FIGN: variants seen among roughly 807,000 people sequenced by gnomAD.
FIGN encodes the protein fidgetin.
FIGN carries 11 observed loss-of-function variants against 51.3 expected under a neutral mutation model. The ratio of observed to expected loss-of-function variants is 0.21; its 90% CI spans 0.13 to 0.35. The LOEUF (loss-of-function observed/expected upper bound fraction) is 0.35. Ranked by LOEUF, FIGN falls within the 10% of genes least tolerant of loss-of-function variation. The probability of loss-of-function intolerance (pLI) is 1.00; values close to 1 mark genes in which losing one functional copy is unlikely to be tolerated. For synonymous variants in FIGN, 407 were observed against 363.2 expected (o/e 1.12, Z -1.37); for missense variants, 857 against 943.6 (o/e 0.91, Z 1.20).
chr2:163,653,569 T>C (rs1057026449), intron 2 of FIGN, among the ~76,000 whole-genome samples: 2 of 152,146 alleles, frequency 1.3e-5, no homozygotes, highest in African/African-American at 4.8e-5. Flanking sequence ...AATTATGGTT[T>C]CAGCTTCTTT....
chr2:163,708,734 G>A (rs184520057), intron 2 of FIGN, among the ~76,000 whole-genome samples: 6 of 152,200 alleles, frequency 3.9e-5, no homozygotes, highest in Admixed American at 1.3e-4. Context: ...AGGAGTGGAC[G>A]GTGCTGAGGT....
At chr2:163,622,251 C>T (rs908154388) in intron 2 of FIGN, among the ~76,000 whole-genome samples, 2 of 152,016 alleles carry the variant, frequency 1.3e-5, no homozygotes, top group Non-Finnish European at 2.9e-5. Context: ...ACAAGAATAG[C>T]TTGAACTGGG....
At chr2:163,690,782 T>A (rs899593077) in intron 2 of FIGN, among the ~76,000 whole-genome samples, 1 of 151,922 alleles carries the variant, frequency 6.6e-6, no homozygotes, top group African/African-American at 2.4e-5. Flanking sequence ...GAATACAGTG[T>A]TGCTAAGATA....
chr2:163,733,071 C>T (rs779671666), intron 2 of FIGN, among the ~76,000 whole-genome samples: 2 of 152,162 alleles, frequency 1.3e-5, no homozygotes, highest in Non-Finnish European at 2.9e-5. Context: ...CCACTTTATA[C>T]ATATACACAA....
chr2:163,644,063 A>G (rs1001509745), intron 2 of FIGN, among the ~76,000 whole-genome samples: 1 of 151,948 alleles, frequency 6.6e-6, no homozygotes, highest in Non-Finnish European at 1.5e-5. Flanking sequence ...GATATGACCC[A>G]AAAGCATGAG....
At chr2:163,671,999 T>A (rs1683884306) in intron 2 of FIGN, among the ~76,000 whole-genome samples, 1 of 152,192 alleles carries the variant, frequency 6.6e-6, no homozygotes, top group Admixed American at 6.5e-5. Flanking sequence ...ATGGCAAGGC[T>A]CTAGAAATGC....
At chr2:163,726,239 A>G (rs900992161) in intron 2 of FIGN, among the ~76,000 whole-genome samples, 1 of 152,070 alleles carries the variant, frequency 6.6e-6, no homozygotes, top group Non-Finnish European at 1.5e-5. Flanking sequence ...TTTCCCTCCC[A>G]AAAACGTTGC....
chr2:163,687,257 C>T lies in FIGN; in HGVS notation c.25+47646G>A, dbSNP rs192532841. Reference sequence around the variant, plus strand: ...AGATATAATATTGAAGGAATTGTGTCTAAACTTTTTAAATGGGTACTAGCA... The same window carrying T: ...AGATATAATATTGAAGGAATTGTGTTTAAACTTTTTAAATGGGTACTAGCA... On this transcript the variant is annotated intron_variant, in intron 2 of 2. Transcript: ENST00000333129. Among the ~76,000 whole-genome samples the T allele has an allele frequency of 3.1e-3, 477 of 152,242 alleles. 2 individuals carry two copies. The highest frequency in any genetic ancestry group is 3.4e-3 in the Non-Finnish European group (233 of 68,010).
At chr2:163,713,823 A>C (rs1684625647) in intron 2 of FIGN, among the ~76,000 whole-genome samples, 1 of 152,178 alleles carries the variant, frequency 6.6e-6, no homozygotes, top group Admixed American at 6.5e-5. Context: ...TAATTGTTTA[A>C]AGTGCACAGT....
intron 2 of FIGN, among the ~76,000 whole-genome samples, chr2:163,701,048 G>T (rs1218161394): frequency 6.6e-6 from 1 of 151,926 alleles, no homozygotes; most frequent in Admixed American, 6.6e-5. Flanking sequence ...TCTATATAAA[G>T]ATACACATGC....
intron 2 of FIGN, among the ~76,000 whole-genome samples, chr2:163,726,100 A>G (rs1684834463): frequency 6.6e-6 from 1 of 152,118 alleles, no homozygotes; most frequent in Non-Finnish European, 1.5e-5. Context: ...ATCTTCCCAC[A>G]GAAAGAAAAA....
intron 2 of FIGN, among the ~76,000 whole-genome samples, chr2:163,622,845 A>G (rs780583673): frequency 6.6e-6 from 1 of 152,168 alleles, no homozygotes; most frequent in Non-Finnish European, 1.5e-5. Context: ...AATTACAGGC[A>G]TTAGCCACCG....
At chr2:163,669,381 T>A (rs993715649) in intron 2 of FIGN, among the ~76,000 whole-genome samples, 2 of 152,196 alleles carry the variant, frequency 1.3e-5, no homozygotes, top group African/African-American at 4.8e-5. Context: ...CCAGCTAATA[T>A]TTGCATTTTG....
intron 2 of FIGN, among the ~76,000 whole-genome samples, chr2:163,693,699 A>G (rs1221550355): frequency 6.6e-6 from 1 of 152,168 alleles, no homozygotes; most frequent in Admixed American, 6.6e-5. Context: ...CATATGTGCT[A>G]GGGAATACTA....
intron 2 of FIGN, among the ~76,000 whole-genome samples, chr2:163,718,649 C>T (rs979589305): frequency 1.3e-5 from 2 of 151,962 alleles, no homozygotes; most frequent in Non-Finnish European, 1.5e-5. Flanking sequence ...CAGTAGACAC[C>T]AGAGAATTTA....
chr2:163,679,329 T>TA (rs554363179), intron 2 of FIGN, among the ~76,000 whole-genome samples: 20 of 151,622 alleles, frequency 1.3e-4, no homozygotes, highest in African/African-American at 2.4e-4. Flanking sequence ...CCGTCTCTGC[T>TA]AAAAAAAATA....
chr2:163,660,716 CATATATATGTATACACATATACAT>C (rs1559012239), intron 2 of FIGN, among the ~76,000 whole-genome samples: 1 of 62,974 alleles, frequency 1.6e-5, no homozygotes, highest in African/African-American at 4.0e-5. Context: ...TACACATATA[CATATATATGTATACACATATACAT>C]ATATATGTAT....
intron 2 of FIGN, among the ~76,000 whole-genome samples, chr2:163,623,598 T>C (rs1433281887): frequency 1.3e-5 from 2 of 152,180 alleles, no homozygotes; most frequent in Non-Finnish European, 2.9e-5. Flanking sequence ...GTCATAGGTC[T>C]AAAAGTAAAT....
chr2:163,654,038 G>A (rs1035154475), intron 2 of FIGN, among the ~76,000 whole-genome samples: 4 of 152,058 alleles, frequency 2.6e-5, no homozygotes, highest in African/African-American at 7.2e-5. Flanking sequence ...GAGTAGCCAG[G>A]CCTCATTTTG....
Sources: gnomAD v4.1 joint callset for allele counts (sites outside exome capture counted in the v4.1 genomes callset) on GRCh38, gnomAD v4.1.1 for gene constraint, MANE v1.5 for transcripts, NCBI Gene and HGNC (gene_info 2026-07-23, HGNC 2026-07-21) for gene names.